Variants in IGF2BP3 observed in about 807,000 individuals in gnomAD.
The protein encoded by IGF2BP3 is insulin like growth factor 2 mRNA binding protein 3.
A neutral mutation model predicts 73.8 loss-of-function variants in IGF2BP3; 9 were observed. The ratio of observed to expected loss-of-function variants is 0.12; its 90% CI spans 0.07 to 0.21. IGF2BP3 has a LOEUF of 0.21. IGF2BP3 is among the 10% of genes least tolerant of loss of function. IGF2BP3 has a pLI of 1.00. For synonymous variants in IGF2BP3, 258 were observed against 256.7 expected (o/e 1.01, Z -0.05); for missense variants, 542 against 714.0 (o/e 0.76, Z 2.75).
intron 3 of IGF2BP3, among the ~76,000 whole-genome samples, chr7:23,399,828 T>C (rs1303365771): frequency 6.6e-6 from 1 of 152,200 alleles, no homozygotes; most frequent in Non-Finnish European, 1.5e-5. Context: ...GGGGGTTCAG[T>C]ATACTATTTT....
intron 3 of IGF2BP3, among the ~76,000 whole-genome samples, chr7:23,418,203 G>A (rs1441096483): frequency 6.6e-6 from 1 of 152,092 alleles, no homozygotes; most frequent in Non-Finnish European, 1.5e-5. Context: ...AGGTTCCATT[G>A]TCTGAAGAGT....
intron 2 of IGF2BP3, among the ~76,000 whole-genome samples, chr7:23,420,914 T>C (rs1787325410): frequency 6.6e-6 from 1 of 152,260 alleles, no homozygotes; most frequent in Admixed American, 6.5e-5. Context: ...GACTAAATGC[T>C]AGTTTGGGAT....
chr7:23,452,849 C>G (rs1233227283), intron 2 of IGF2BP3, among the ~76,000 whole-genome samples: 1 of 150,206 alleles, frequency 6.7e-6, no homozygotes, highest in Non-Finnish European at 1.5e-5. Context: ...CGCAGTGGCT[C>G]ACACCTATAA....
chr7:23,338,224 G>A (rs1784622506), intron 10 of IGF2BP3, among the ~76,000 whole-genome samples: 1 of 151,958 alleles, frequency 6.6e-6, no homozygotes, highest in South Asian at 2.1e-4. Flanking sequence ...ATAGAACAAG[G>A]TAGAAAAAGG....
chr7:23,379,374 G>C (rs1291099248), intron 3 of IGF2BP3, among the ~76,000 whole-genome samples: 1 of 152,152 alleles, frequency 6.6e-6, no homozygotes, highest in Admixed American at 6.6e-5. Context: ...TTTTGGTCCA[G>C]AATTCTATTA....
intron 3 of IGF2BP3, among the ~76,000 whole-genome samples, chr7:23,380,744 C>T (rs1041368794): frequency 1.3e-5 from 2 of 152,106 alleles, no homozygotes; most frequent in Admixed American, 6.5e-5. Flanking sequence ...GAAATTTGGA[C>T]GGACACACAC....
chr7:23,399,785 C>T (rs1196251850), intron 3 of IGF2BP3, among the ~76,000 whole-genome samples: 4 of 152,154 alleles, frequency 2.6e-5, no homozygotes, highest in Non-Finnish European at 5.9e-5. Context: ...AAAACAAAAG[C>T]AGAATGTTGA....
chr7:23,354,323 A>G (rs903906586), intron 5 of IGF2BP3, among the ~76,000 whole-genome samples: 3 of 152,174 alleles, frequency 2.0e-5, no homozygotes, highest in Admixed American at 6.5e-5. Flanking sequence ...GAATAAACAG[A>G]TCACTGAAGG....
chr7:23,453,243 T>G (rs1788242647), intron 2 of IGF2BP3, among the ~76,000 whole-genome samples: 1 of 152,214 alleles, frequency 6.6e-6, no homozygotes, highest in African/African-American at 2.4e-5. Context: ...CTTAAAGCAC[T>G]TTTAAACAAG....
intron 2 of IGF2BP3, among the ~76,000 whole-genome samples, chr7:23,466,942 A>C (rs1009442066): frequency 1.3e-5 from 2 of 152,244 alleles, no homozygotes; most frequent in African/African-American, 4.8e-5. Flanking sequence ...AGACATACTG[A>C]CCAAACATAA....
intron 3 of IGF2BP3, among the ~76,000 whole-genome samples, chr7:23,380,060 G>C (rs1281798062): frequency 1.3e-5 from 2 of 151,688 alleles, no homozygotes; most frequent in East Asian, 1.9e-4. Flanking sequence ...AATATAAAAA[G>C]GCTATTTCAA....
chr7:23,438,126 T>C (rs560668034), intron 2 of IGF2BP3, among the ~76,000 whole-genome samples: 7 of 152,360 alleles, frequency 4.6e-5, no homozygotes, highest in Middle Eastern at 3.4e-3. Context: ...ACTTTCAAAT[T>C]TTAATTTTTT....
At chr7:23,374,569 C>A (rs1187375319) in intron 3 of IGF2BP3, among the ~76,000 whole-genome samples, 2 of 151,408 alleles carry the variant, frequency 1.3e-5, no homozygotes, top group Admixed American at 1.3e-4. Context: ...CCCAGCTACT[C>A]GGGAGGCTGG....
intron 10 of IGF2BP3, among the ~76,000 whole-genome samples, chr7:23,332,518 A>C (rs1038594393): frequency 2.6e-5 from 4 of 152,174 alleles, no homozygotes; most frequent in African/African-American, 9.7e-5. Flanking sequence ...TTGCCTTCCT[A>C]CTAAACTATT....
intron 10 of IGF2BP3, among the ~76,000 whole-genome samples, chr7:23,338,409 T>TTGGGAGTCAGAGGTG (rs1210975375): frequency 6.6e-6 from 1 of 152,192 alleles, no homozygotes; most frequent in Non-Finnish European, 1.5e-5. Flanking sequence ...TAGTCCCAGC[T>TTGGGAGTCAGAGGTG]ACTTGGGAGT....
intron 2 of IGF2BP3, among the ~76,000 whole-genome samples, chr7:23,452,910 G>A (rs915573544): frequency 4.0e-5 from 6 of 148,696 alleles, no homozygotes; most frequent in African/African-American, 9.9e-5. Context: ...TCAGGAGATC[G>A]AGACCATCCT....
chr7:23,357,919 A>T (rs1785136138), intron 5 of IGF2BP3, among the ~76,000 whole-genome samples: 1 of 152,236 alleles, frequency 6.6e-6, no homozygotes, highest in African/African-American at 2.4e-5. Context: ...AACCACGTTA[A>T]AACTAGCTGC....
intron 10 of IGF2BP3, 73 bp from the exon 11 acceptor site, chr7:23,319,327 G>A: frequency 1.1e-6 from 1 of 926,504 alleles, no homozygotes; most frequent in South Asian, 1.5e-5. Flanking sequence ...TTAGCTTTAG[G>A]AAGGACACCT....
chr7:23,362,236 AC>A (rs11338864), intron 3 of IGF2BP3, among the ~76,000 whole-genome samples: 20,903 of 151,770 alleles, frequency 0.14, 3,676 homozygotes, highest in African/African-American at 0.41. Context: ...ACATAGTGAG[AC>A]CCCCCATCTC....
Sources: gnomAD v4.1 joint callset for allele counts (sites outside exome capture counted in the v4.1 genomes callset) on GRCh38, gnomAD v4.1.1 for gene constraint, MANE v1.5 for transcripts, NCBI Gene and HGNC (gene_info 2026-07-23, HGNC 2026-07-21) for gene names.